EFNA5: variants seen among roughly 807,000 people sequenced by gnomAD.
The protein encoded by EFNA5 is ephrin-A5.
A neutral mutation model predicts 22.9 loss-of-function variants in EFNA5; 5 were observed. The observed-to-expected ratio is 0.22, with a 90% CI of 0.11 to 0.46. EFNA5 has a LOEUF of 0.46. Among genes scored for constraint, EFNA5 ranks in the 20% least tolerant of loss-of-function variants. The pLI is 0.99. For synonymous variants in EFNA5, 113 were observed against 112.2 expected (o/e 1.01, Z -0.04); for missense variants, 237 against 293.3 (o/e 0.81, Z 1.40).
At chr5:107,562,402 C>G (rs164845) in intron 1 of EFNA5, among the ~76,000 whole-genome samples, 6,466 of 151,954 alleles carry the variant, frequency 0.043, 219 homozygotes, top group Non-Finnish European at 0.064. Flanking sequence ...CATTTTTAAG[C>G]TTATATTTTT....
At chr5:107,556,775 A>T (rs190314965) in intron 1 of EFNA5, among the ~76,000 whole-genome samples, 1,716 of 113,584 alleles carry the variant, frequency 0.015, 34 homozygotes, top group African/African-American at 0.05. Context: ...TAAATAAATA[A>T]ATAAATAAAT....
intron 1 of EFNA5, among the ~76,000 whole-genome samples, chr5:107,541,419 T>C (rs749713802): frequency 3.4e-4 from 51 of 152,206 alleles, no homozygotes; most frequent in African/African-American, 1.1e-3. Flanking sequence ...ATCAGAAAAA[T>C]GTAATCGAAG....
At chr5:107,519,821 A>T (rs1388485806) in intron 1 of EFNA5, among the ~76,000 whole-genome samples, 1 of 152,210 alleles carries the variant, frequency 6.6e-6, no homozygotes, top group Non-Finnish European at 1.5e-5. Flanking sequence ...GTGCATTTTC[A>T]TTCTGGGAGC....
At chr5:107,430,040 C>A (rs1386692397) in intron 1 of EFNA5, among the ~76,000 whole-genome samples, 4 of 152,112 alleles carry the variant, frequency 2.6e-5, no homozygotes, top group Admixed American at 2.6e-4. Context: ...CTAGAGGATC[C>A]CAAACTACAT....
chr5:107,634,443 G>T (rs1750330700), intron 1 of EFNA5, among the ~76,000 whole-genome samples: 1 of 151,948 alleles, frequency 6.6e-6, no homozygotes, highest in Non-Finnish European at 1.5e-5. Flanking sequence ...TTGAGCCCAG[G>T]TGTTTGAGGT....
intron 1 of EFNA5, among the ~76,000 whole-genome samples, chr5:107,653,016 A>G (rs1750763172): frequency 6.6e-6 from 1 of 152,050 alleles, no homozygotes; most frequent in Non-Finnish European, 1.5e-5. Flanking sequence ...GGCACTTAGG[A>G]GACCCAAGAG....
At position 107,511,175 on chromosome 5, in the gene EFNA5, C is replaced by T. The variant is rs533555762; in HGVS notation, c.126-83666G>A. 2.2e-4 allele frequency among the ~76,000 whole-genome samples: 33 copies of T among 152,156 alleles called. No individual in the cohort carries two copies. In the East Asian group the frequency reaches 5.0e-3, roughly 23 times the overall value. On this transcript the variant is annotated intron_variant, in intron 1 of 4. Transcript: ENST00000333274. ...TCTAGCAGCTGGGATAACAGGCATGCGCCACCACGCCTGGCTAATTTTGTA... is the reference window on the plus strand; with the variant it reads ...TCTAGCAGCTGGGATAACAGGCATGTGCCACCACGCCTGGCTAATTTTGTA...
intron 1 of EFNA5, among the ~76,000 whole-genome samples, chr5:107,478,898 C>A (rs763208409): frequency 6.6e-5 from 10 of 152,128 alleles, no homozygotes; most frequent in Non-Finnish European, 1.5e-4. Context: ...TCTAAGCCTG[C>A]TCCAAAAACA....
At chr5:107,442,054 G>A (rs930671190) in intron 1 of EFNA5, among the ~76,000 whole-genome samples, 4 of 152,118 alleles carry the variant, frequency 2.6e-5, no homozygotes, top group Admixed American at 6.6e-5. Context: ...CAGGTTATTT[G>A]CCTTTGTATT....
chr5:107,501,213 A>G (rs1747126402), intron 1 of EFNA5, among the ~76,000 whole-genome samples: 1 of 152,232 alleles, frequency 6.6e-6, no homozygotes, highest in Admixed American at 6.5e-5. Context: ...AGCCTCACTT[A>G]TAGATATTGA....
At chr5:107,626,074 T>A (rs911991200) in intron 1 of EFNA5, among the ~76,000 whole-genome samples, 2 of 152,166 alleles carry the variant, frequency 1.3e-5, no homozygotes, top group African/African-American at 2.4e-5. Context: ...AGTAAGATCT[T>A]ATGAACTGAT....
chr5:107,668,638 C>G (rs1005086355), intron 1 of EFNA5, among the ~76,000 whole-genome samples: 1 of 151,942 alleles, frequency 6.6e-6, no homozygotes, highest in Non-Finnish European at 1.5e-5. Context: ...GCAAGATATC[C>G]CAAATTCAAA....
intron 1 of EFNA5, among the ~76,000 whole-genome samples, chr5:107,522,829 T>A (rs1747624088): frequency 1.3e-5 from 2 of 152,198 alleles, no homozygotes; most frequent in African/African-American, 4.8e-5. Context: ...CTATATTTTT[T>A]ATTCAAACTC....
chr5:107,498,800 T>C (rs1437380956), intron 1 of EFNA5, among the ~76,000 whole-genome samples: 7 of 152,064 alleles, frequency 4.6e-5, no homozygotes. Flanking sequence ...ATACTAATAA[T>C]GAGGCTTTCC....
Position 107,558,027 on chromosome 5 carries a change from GA to G in EFNA5, c.125+112461del, listed in dbSNP as rs1024724021. On this transcript the variant is annotated intron_variant, in intron 1 of 4. Coordinates refer to ENST00000333274, the MANE Select transcript of EFNA5 (RefSeq NM_001962.3). Reference sequence around the variant, plus strand: ...TAAGTAATTAAATATAAAAGGTTTAGAATAGTGCCTGGCACATGGTATATAT... The same window carrying G: ...TAAGTAATTAAATATAAAAGGTTTAGATAGTGCCTGGCACATGGTATATAT... 5.5e-4 allele frequency among the ~76,000 whole-genome samples: 83 copies of G among 152,160 alleles called. 1 individual carries two copies. The highest frequency in any genetic ancestry group is 1.9e-3 in the African/African-American group (80 of 41,500).
chr5:107,619,127 G>A (rs974306454), intron 1 of EFNA5, among the ~76,000 whole-genome samples: 2 of 151,700 alleles, frequency 1.3e-5, no homozygotes, highest in Non-Finnish European at 2.9e-5. Context: ...GGGTTTCGCT[G>A]TGTTAGCCAG....
chr5:107,488,139 A>C (rs553228592), intron 1 of EFNA5, among the ~76,000 whole-genome samples: 1 of 152,352 alleles, frequency 6.6e-6, no homozygotes, highest in African/African-American at 2.4e-5. Flanking sequence ...GGAGTACATG[A>C]GTCCCATGTG....
At chr5:107,383,663 C>G (rs576699131) in intron 4 of EFNA5, among the ~76,000 whole-genome samples, 2 of 152,284 alleles carry the variant, frequency 1.3e-5, no homozygotes, top group African/African-American at 4.8e-5. Context: ...CCTTGTATAG[C>G]TTGCAAGTGT....
chr5:107,565,422 G>T (rs1406013613), intron 1 of EFNA5, among the ~76,000 whole-genome samples: 1 of 152,090 alleles, frequency 6.6e-6, no homozygotes, highest in Non-Finnish European at 1.5e-5. Flanking sequence ...CAGATTTGAA[G>T]CATCTCGGAA....
Sources: allele counts gnomAD v4.1 joint callset (sites outside exome capture counted in the v4.1 genomes callset), GRCh38; gene constraint gnomAD v4.1.1; transcripts MANE v1.5; gene names NCBI Gene and HGNC (gene_info 2026-07-23, HGNC 2026-07-21).